GSDMC: variants seen among roughly 807,000 people sequenced by gnomAD.
GSDMC encodes the protein gasdermin-C.
GSDMC carries 59 observed loss-of-function variants against 58.0 expected under a neutral mutation model. The ratio of observed to expected loss-of-function variants is 1.02; its 90% confidence interval spans 0.82 to 1.26. GSDMC has a LOEUF of 1.26. GSDMC is among the 50% of genes most tolerant of loss of function. The probability of loss-of-function intolerance (pLI) is 0.00; values close to 1 mark genes in which losing one functional copy is unlikely to be tolerated. For synonymous variants in GSDMC, 241 were observed against 220.2 expected (o/e 1.09, Z -0.83); for missense variants, 659 against 598.5 (o/e 1.10, Z -1.06).
chr8:129,776,242 G>C lies in GSDMC; in HGVS notation c.264C>G (p.Ile88Met). 2 of 1,613,436 alleles carry C rather than the reference G, an allele frequency of 1.2e-6. No homozygotes were observed. Among genetic ancestry groups the C allele is most frequent in the Middle Eastern group, 1.6e-4 (1 of 6,062 alleles). The change falls in exon 3 of 14, where the codon ATC (isoleucine) becomes ATG (methionine). Residue 88 changes from isoleucine to methionine, a missense_variant. Coordinates refer to ENST00000276708, the MANE Select transcript of GSDMC (RefSeq NM_031415.3). ...TGPFHFSDIM[I>M]QKHKADMGVN... Reference sequence around the variant, plus strand: ...CACCCATGTCAGCCTTATGCTTCTGGATCATAATGTCACTGAAGTGGAACG... The same window carrying C: ...CACCCATGTCAGCCTTATGCTTCTGCATCATAATGTCACTGAAGTGGAACG...
At chr8:129,731,931 G>A in the GSDMC span, among the ~76,000 whole-genome samples, 1 of 152,150 alleles carries the variant, frequency 6.6e-6, no homozygotes, top group South Asian at 2.1e-4. Flanking sequence ...AGCAAGAGAA[G>A]CCCCTTTATT....
At chr8:129,759,116 A>C (rs1363054274) in intron 6 of GSDMC, among the ~76,000 whole-genome samples, 3 of 152,188 alleles carry the variant, frequency 2.0e-5, no homozygotes, top group Non-Finnish European at 2.9e-5. Flanking sequence ...TGGAGAAAGG[A>C]CAGTCTCTTC....
At chr8:129,781,902 G>A (rs2034425425) in intron 1 of GSDMC, among the ~76,000 whole-genome samples, 1 of 152,162 alleles carries the variant, frequency 6.6e-6, no homozygotes, top group Non-Finnish European at 1.5e-5. Flanking sequence ...TTTATCCAAT[G>A]GATGCAGAAT....
At chr8:129,709,402 T>C in the GSDMC span, among the ~76,000 whole-genome samples, 1 of 152,150 alleles carries the variant, frequency 6.6e-6, no homozygotes, top group Non-Finnish European at 1.5e-5. Context: ...CAAACTCTTT[T>C]AAAAAGTTTC....
chr8:129,775,109 C>A (rs989446744), intron 3 of GSDMC, among the ~76,000 whole-genome samples: 3 of 152,172 alleles, frequency 2.0e-5, no homozygotes, highest in Non-Finnish European at 4.4e-5. Flanking sequence ...GACATGTCTG[C>A]ACTTCCATGT....
the GSDMC span, among the ~76,000 whole-genome samples, chr8:129,718,443 AGTCATTAGAG>A: frequency 6.6e-6 from 1 of 152,062 alleles, no homozygotes; most frequent in Non-Finnish European, 1.5e-5. Flanking sequence ...TCTCATCACT[AGTCATTAGAG>A]AAATGCAAAT....
At chr8:129,776,057 C>A (rs1288443182) in intron 3 of GSDMC, 45 bp downstream of exon 3, 2 of 1,448,890 alleles carry the variant, frequency 1.4e-6, no homozygotes, top group Non-Finnish European at 1.9e-6. Flanking sequence ...GAAAACACCC[C>A]CTGGGATACT....
intron 1 of GSDMC, among the ~76,000 whole-genome samples, chr8:129,778,463 CGAATAAAAGACT>C (rs1311799272): frequency 2.6e-5 from 4 of 151,852 alleles, no homozygotes; most frequent in African/African-American, 4.8e-5. Context: ...CAACTCAAGA[CGAATAAAAGACT>C]GAAATGTAAA....
the GSDMC span, among the ~76,000 whole-genome samples, chr8:129,736,528 C>T: frequency 3.3e-5 from 5 of 152,042 alleles, no homozygotes; most frequent in East Asian, 5.8e-4. Context: ...ACGGAACCAT[C>T]GACAAACAAC....
At chr8:129,730,325 G>C in the GSDMC span, 1 of 1,351,806 alleles carries the variant, frequency 7.4e-7, no homozygotes, top group Non-Finnish European at 1.0e-6. Context: ...GAATAAGCAA[G>C]TCACTGCATG....
chr8:129,734,583 A>T, the GSDMC span, among the ~76,000 whole-genome samples: 2 of 152,226 alleles, frequency 1.3e-5, no homozygotes, highest in African/African-American at 4.8e-5. Flanking sequence ...ACTAAGCTTC[A>T]TAAGTGAAGA....
At chr8:129,746,455 G>A (rs932487207), downstream of GSDMC, among the ~76,000 whole-genome samples, 45 of 152,218 alleles carry the variant, frequency 3.0e-4, no homozygotes, top group Non-Finnish European at 5.9e-4. Flanking sequence ...GATAATGTAT[G>A]GAGAATCCTA....
chr8:129,716,633 G>A, the GSDMC span, among the ~76,000 whole-genome samples: 1 of 152,144 alleles, frequency 6.6e-6, no homozygotes, highest in South Asian at 2.1e-4. Context: ...TGATTGCCCT[G>A]GTCACAACTT....
chr8:129,765,939 G>A (rs1410696054), intron 3 of GSDMC, 146 bp from the exon 4 acceptor site: 2 of 619,378 alleles, frequency 3.2e-6, no homozygotes, highest in East Asian at 2.7e-5. Flanking sequence ...TGGTAGGGCA[G>A]CAGAATGTTT....
At chr8:129,753,089 G>A (rs1284524745) in intron 6 of GSDMC, among the ~76,000 whole-genome samples, 1 of 152,158 alleles carries the variant, frequency 6.6e-6, no homozygotes, top group Non-Finnish European at 1.5e-5. Flanking sequence ...CAATGTTTAG[G>A]CAATTTCTAA....
Position 129,748,433 on chromosome 8 carries a change from T to C in GSDMC, c.*68A>G, listed in dbSNP as rs1282234294. On this transcript the variant is annotated 3_prime_UTR_variant, in exon 14 of 14. Coordinates refer to ENST00000276708, the MANE Select transcript of GSDMC (RefSeq NM_031415.3). ...GGCACAGCCCTATCTCTTGCACCCA[T>C]AAGGACACTCACAGCATAGACTGGG... The C allele has an allele frequency of 3.3e-6, 5 of 1,497,936 alleles. No individual in the cohort carries two copies. Among genetic ancestry groups the C allele is most frequent in the Non-Finnish European group, 4.5e-6 (5 of 1,116,672 alleles). The allele number at this position is 1,497,936 out of a possible 1,614,324, so 92.8% of individuals were successfully genotyped here.
At chr8:129,722,102 C>A in the GSDMC span, among the ~76,000 whole-genome samples, 1 of 152,212 alleles carries the variant, frequency 6.6e-6, no homozygotes, top group African/African-American at 2.4e-5. Flanking sequence ...ATTCCAATTT[C>A]ATTCCAGTTT....
Position 129,758,250 on chromosome 8 carries a change from A to T in GSDMC, c.721+2295T>A, listed in dbSNP as rs1052629635. 1.1e-4 allele frequency among the ~76,000 whole-genome samples: 17 copies of T among 152,340 alleles called. No homozygotes were observed. The East Asian group carries it at 2.5e-3, about 22-fold the overall frequency. ...TAAAAGCCATATATGACAGAGCCAC[A>T]GCTAGTTTCATACTGAGTGGGGAAA... On this transcript the variant is annotated intron_variant, in intron 6 of 13. Coordinates refer to ENST00000276708, the MANE Select transcript of GSDMC (RefSeq NM_031415.3).
At chr8:129,753,758 G>A (rs59330526) in intron 6 of GSDMC, among the ~76,000 whole-genome samples, 13,157 of 152,164 alleles carry the variant, frequency 0.086, 900 homozygotes, top group East Asian at 0.23. Context: ...TGGGCCACAG[G>A]AGAGCCCACT....
Sources: allele counts gnomAD v4.1 joint callset (sites outside exome capture counted in the v4.1 genomes callset), GRCh38; gene constraint gnomAD v4.1.1; transcripts MANE v1.5; gene names NCBI Gene and HGNC (gene_info 2026-07-23, HGNC 2026-07-21).